GKAP1: variants seen among roughly 807,000 people sequenced by gnomAD.
The protein encoded by GKAP1 is G kinase anchoring protein 1.
In GKAP1, 31 loss-of-function variants were observed where a neutral mutation model predicts 56.7. The observed-to-expected ratio is 0.55, with a 90% CI of 0.41 to 0.74. GKAP1 has a LOEUF of 0.74. Among genes scored for constraint, GKAP1 ranks in the 30% least tolerant of loss-of-function variants. GKAP1 has a pLI of 0.00. For synonymous variants in GKAP1, 151 were observed against 138.6 expected, an observed-to-expected ratio of 1.09 and a Z score of -0.63; for missense variants, 364 against 402.3, an observed-to-expected ratio of 0.90 and a Z score of 0.82.
intron 10 of GKAP1, among the ~76,000 whole-genome samples, chr9:83,745,407 AT>A (rs1157936799): frequency 6.6e-6 from 1 of 152,126 alleles, no homozygotes; most frequent in Non-Finnish European, 1.5e-5. Context: ...CCATATTTAC[AT>A]TTACATTATA....
intron 9 of GKAP1, chr9:83,748,996 A>C (rs1250703072): frequency 2.0e-5 from 3 of 152,154 alleles, no homozygotes; most frequent in Non-Finnish European, 4.4e-5. Context: ...CACTGTTATA[A>C]TTTTTGGCTG....
intron 4 of GKAP1, among the ~76,000 whole-genome samples, chr9:83,789,885 T>C (rs1944126033): frequency 6.7e-6 from 1 of 149,724 alleles, no homozygotes; most frequent in South Asian, 2.1e-4. Flanking sequence ...ATTATTTAGT[T>C]TTTAATTCAA....
chr9:83,778,929 T>G (rs1237471125), intron 7 of GKAP1, among the ~76,000 whole-genome samples: 6 of 152,064 alleles, frequency 3.9e-5, no homozygotes, highest in Non-Finnish European at 8.8e-5. Context: ...GAAGCTTGTT[T>G]AAATACAACT....
At chr9:83,774,613 T>C (rs532749006) in intron 7 of GKAP1, among the ~76,000 whole-genome samples, 57 of 149,262 alleles carry the variant, frequency 3.8e-4, no homozygotes, top group African/African-American at 1.3e-3. Flanking sequence ...AAAAGCCAAT[T>C]GTAGCAAAAA....
At chr9:83,760,048 T>G (rs890411981) in intron 8 of GKAP1, among the ~76,000 whole-genome samples, 2 of 152,198 alleles carry the variant, frequency 1.3e-5, no homozygotes, top group African/African-American at 4.8e-5. Context: ...GGCATCCCAG[T>G]TTCTTCTTCT....
intron 3 of GKAP1, among the ~76,000 whole-genome samples, chr9:83,803,665 C>A (rs577385809): frequency 1.3e-5 from 2 of 152,028 alleles, no homozygotes; most frequent in East Asian, 3.9e-4. Context: ...AGCCTCTGCC[C>A]GGCCGCCACC....
In GKAP1 at chr9:83,806,565, G is replaced by C; in HGVS notation, c.-43-5C>G. ...TACTTCTGTCAAGAATAATTTCTGTGGGGAGGCAGAAGAGTAGGCAGATGG... is the reference window on the plus strand; with the variant it reads ...TACTTCTGTCAAGAATAATTTCTGTCGGGAGGCAGAAGAGTAGGCAGATGG... On this transcript the variant is annotated splice_polypyrimidine_tract_variant and splice_region_variant and intron_variant, in intron 2 of 12. Transcript: ENST00000376371. 6.5e-7 allele frequency: 1 copy of C among 1,536,978 alleles called. No homozygotes were observed. Among genetic ancestry groups the C allele is most frequent in the Non-Finnish European group, 8.9e-7 (1 of 1,119,610 alleles).
intron 2 of GKAP1, 113 bp from the exon 3 acceptor site, chr9:83,806,673 G>T (rs1205810420): frequency 1.6e-6 from 1 of 616,752 alleles, no homozygotes; most frequent in Non-Finnish European, 2.8e-6. Flanking sequence ...ACTGGATTTA[G>T]TAAATTTGGA....
At chr9:83,804,102 GC>G (rs778437443) in intron 3 of GKAP1, among the ~76,000 whole-genome samples, 1 of 146,672 alleles carries the variant, frequency 6.8e-6, no homozygotes, top group Non-Finnish European at 1.5e-5. Context: ...CCCGGCAGCC[GC>G]CCCGTCCGGG....
At chr9:83,776,153 A>C (rs1943857844) in intron 7 of GKAP1, among the ~76,000 whole-genome samples, 1 of 152,158 alleles carries the variant, frequency 6.6e-6, no homozygotes, top group South Asian at 2.1e-4. Context: ...TACATTAACC[A>C]AATAACTGTC....
chr9:83,817,415 C>T (rs1488250146), intron 1 of GKAP1, 102 bp downstream of exon 1: 1 of 151,822 alleles, frequency 6.6e-6, no homozygotes, highest in African/African-American at 2.4e-5. Flanking sequence ...GTCCCCGCCA[C>T]CCGAGGCCGG....
intron 4 of GKAP1, among the ~76,000 whole-genome samples, chr9:83,796,592 C>T (rs937416792): frequency 7.9e-5 from 12 of 152,102 alleles, no homozygotes; most frequent in South Asian, 2.1e-4. Context: ...CTCAGTCTCC[C>T]GAGTACCTGG....
intron 3 of GKAP1, 34 bp downstream of exon 3, chr9:83,806,268 C>T: frequency 4.4e-6 from 6 of 1,376,990 alleles, no homozygotes; most frequent in Non-Finnish European, 6.0e-6. Context: ...TTACCATCTA[C>T]TGGGAAAGCA....
At chr9:83,800,024 A>C (rs745383822) in intron 3 of GKAP1, among the ~76,000 whole-genome samples, 2 of 152,126 alleles carry the variant, frequency 1.3e-5, no homozygotes, top group Non-Finnish European at 2.9e-5. Flanking sequence ...CACATTTAAA[A>C]GTTTAAATAG....
intron 3 of GKAP1, among the ~76,000 whole-genome samples, chr9:83,805,095 T>C (rs933932805): frequency 2.0e-5 from 3 of 152,098 alleles, no homozygotes; most frequent in Non-Finnish European, 1.5e-5. Flanking sequence ...GAAGTAGACA[T>C]GGGAGACTTT....
intron 4 of GKAP1, among the ~76,000 whole-genome samples, chr9:83,789,689 A>G (rs994878041): frequency 2.0e-5 from 3 of 152,148 alleles, no homozygotes; most frequent in African/African-American, 7.2e-5. Flanking sequence ...AGCTATCATC[A>G]CCAATGACAA....
intron 8 of GKAP1, among the ~76,000 whole-genome samples, chr9:83,757,104 A>G (rs1229794205): frequency 2.6e-5 from 4 of 152,166 alleles, no homozygotes; most frequent in Non-Finnish European, 5.9e-5. Context: ...ACAAAATGCT[A>G]TGGGGTATAG....
chr9:83,764,665 A>G (rs1943631038), intron 8 of GKAP1, among the ~76,000 whole-genome samples: 1 of 152,100 alleles, frequency 6.6e-6, no homozygotes, highest in Non-Finnish European at 1.5e-5. Flanking sequence ...GACTTGTTGA[A>G]TGACAATGAA....
chr9:83,805,636 TAGA>T (rs1440670885), intron 3 of GKAP1, among the ~76,000 whole-genome samples: 3 of 152,056 alleles, frequency 2.0e-5, no homozygotes, highest in African/African-American at 7.2e-5. Flanking sequence ...ATTTAAGTAT[TAGA>T]AGGATATATA....
Sources: gnomAD v4.1 joint callset for allele counts (sites outside exome capture counted in the v4.1 genomes callset) on GRCh38, gnomAD v4.1.1 for gene constraint, MANE v1.5 for transcripts, NCBI Gene and HGNC (gene_info 2026-07-23, HGNC 2026-07-21) for gene names.